KCNQ1: variants seen among roughly 807,000 people sequenced by gnomAD.
KCNQ1 encodes the protein potassium voltage-gated channel subfamily Q member 1.
Under a neutral mutation model 72.4 loss-of-function variants are expected in KCNQ1, and 49 were observed. The ratio of observed to expected loss-of-function variants is 0.68; its 90% CI spans 0.54 to 0.86. The LOEUF (loss-of-function observed/expected upper bound fraction) is 0.86. Among genes scored for constraint, KCNQ1 ranks in the 40% least tolerant of loss-of-function variants. The probability of loss-of-function intolerance (pLI) is 0.00; values close to 1 mark genes in which losing one functional copy is unlikely to be tolerated. For synonymous variants in KCNQ1, 450 were observed against 412.6 expected (o/e 1.09, Z -1.10); for missense variants, 790 against 945.1 (o/e 0.84, Z 2.15).
rs1179248103 is a variant in KCNQ1, at chr11:2,592,844, T to C, written c.1393+3990T>C. 2.0e-5 allele frequency among the ~76,000 whole-genome samples: 3 copies of C among 152,170 alleles called. No homozygotes were observed. Among genetic ancestry groups the C allele is most frequent in the South Asian group, 4.1e-4 (2 of 4,834 alleles). ...CAGAGGGTCCAAGCGGGCATGGCCA[T>C]CCACATCTGCAGGTCAGAAGAGGCC... On this transcript the variant is annotated intron_variant, in intron 10 of 15. Transcript: ENST00000155840. The surrounding 1 kb of genome is among the most constrained non-coding windows in gnomAD (Gnocchi z 5.2).
At chr11:2,453,408 A>G (rs1317762590) in intron 1 of KCNQ1, among the ~76,000 whole-genome samples, 3 of 151,818 alleles carry the variant, frequency 2.0e-5, no homozygotes, top group East Asian at 3.9e-4. Flanking sequence ...GAAACAGCCA[A>G]TTGCCAGGCT....
intron 11 of KCNQ1, chr11:2,699,791 G>A (rs943764254): frequency 1.0e-5 from 4 of 397,070 alleles, no homozygotes; most frequent in East Asian, 3.6e-5. Context: ...GAACCGCGCC[G>A]AGGGGCGCGC....
At chr11:2,684,955 A>G in intron 11 of KCNQ1, 1 of 398,674 alleles carries the variant, frequency 2.5e-6, no homozygotes, top group Non-Finnish European at 4.4e-6. Flanking sequence ...TGTACCTGGT[A>G]AGGAGTGAAA....
Position 2,572,040 on chromosome 11 carries a change from G to A in KCNQ1, c.711G>A (p.Arg237=). 1.2e-6 allele frequency: 2 copies of A among 1,612,894 alleles called. No homozygotes were observed. Among genetic ancestry groups the A allele is most frequent in the Non-Finnish European group, 8.5e-7 (1 of 1,179,890 alleles). The stretch of plus-strand genomic sequence containing the variant: ...GCATCCGCTTCCTGCAGATCCTGAG[G>A]ATGCTACACGTCGACCGCCAGGGAG... The part of the protein sequence containing the change: ...IRGIRFLQIL[R]MLHVDRQGGT... The change falls in exon 5 of 16, where the codon AGG becomes AGA. Residue 237 remains arginine, a synonymous_variant. Transcript: ENST00000155840.
In KCNQ1 at chr11:2,723,343, G is replaced by A. The variant is rs943116493; in HGVS notation, c.1515-45501G>A. 6.6e-6 allele frequency among the ~76,000 whole-genome samples: 1 copy of A among 152,188 alleles called. No individual in the cohort carries two copies. The highest frequency in any genetic ancestry group is 2.4e-5 in the African/African-American group (1 of 41,444). ...TCCCCCGGGACACTGCAACCCTCAA[G>A]ACTCCTAGCAAGCCCCTCCGTCTCA... On this transcript the variant is annotated intron_variant, in intron 11 of 15. Coordinates refer to ENST00000155840, the MANE Select transcript of KCNQ1 (RefSeq NM_000218.3). This position sits in a 1 kb window ranked among gnomAD's most constrained non-coding sequence, Gnocchi z 4.2.
rs546847693 is a variant in KCNQ1 at position 2,774,645 on chromosome 11, C to A, written c.1591-1315C>A. 4.6e-5 allele frequency among the ~76,000 whole-genome samples: 7 copies of A among 152,302 alleles called. No homozygotes were observed. In the South Asian group the frequency reaches 1.4e-3, roughly 32 times the overall value. On this transcript the variant is annotated intron_variant, in intron 12 of 15. Transcript: ENST00000155840. ...TCCACCAAGCCTCCGGCATTGGTGGCAGAACCCCTGGGCATGTCAGAAGTG... is the reference window on the plus strand; with the variant it reads ...TCCACCAAGCCTCCGGCATTGGTGGAAGAACCCCTGGGCATGTCAGAAGTG...
In KCNQ1 at chr11:2,653,952, C is replaced by T. The variant is rs1308713336; in HGVS notation, c.1394-8009C>T. On this transcript the variant is annotated intron_variant, in intron 10 of 15. Coordinates refer to ENST00000155840, the MANE Select transcript of KCNQ1 (RefSeq NM_000218.3). The surrounding 1 kb of genome is among the most constrained non-coding windows in gnomAD (Gnocchi z 5.3). ...CCTGGCTGCTGGCAGGCAAAAACAA[C>T]AGGTGTCCACTCAAGCAAGGTATTT... 2.5e-6 allele frequency: 1 copy of T among 398,582 alleles called. No homozygotes were observed. The highest frequency in any genetic ancestry group is 4.4e-5 in the Admixed American group (1 of 22,726). The allele number at this position is 398,582 out of a possible 1,614,324, so 24.7% of individuals were successfully genotyped here.
At position 2,724,920 on chromosome 11, in the gene KCNQ1, T is replaced by A. The variant is rs1275766429; in HGVS notation, c.1515-43924T>A. ...TCTGTCACAGGGTAGAGATGACTGA[T>A]CCAGTAACCTGGACAGGGTGCCGAG... is the stretch of plus-strand genomic sequence containing the variant. On this transcript the variant is annotated intron_variant, in intron 11 of 15. Transcript: ENST00000155840. This position sits in a 1 kb window ranked among gnomAD's most constrained non-coding sequence, Gnocchi z 6.8. Among the ~76,000 whole-genome samples the A allele has an allele frequency of 2.0e-5, 3 of 152,138 alleles. No homozygotes were observed. Among genetic ancestry groups the A allele is most frequent in the South Asian group, 2.1e-4 (1 of 4,828 alleles).
chr11:2,726,674 C>T (rs563287198), intron 11 of KCNQ1, among the ~76,000 whole-genome samples: 6 of 152,296 alleles, frequency 3.9e-5, no homozygotes, highest in African/African-American at 1.4e-4. Flanking sequence ...TTTATATTTT[C>T]CCCCAAAATT....
chr11:2,574,710 T>G (rs936188296), intron 6 of KCNQ1, among the ~76,000 whole-genome samples: 1 of 152,094 alleles, frequency 6.6e-6, no homozygotes, highest in African/African-American at 2.4e-5. Context: ...GGCCAGACAC[T>G]CAGCAGTGGC....
intron 1 of KCNQ1, among the ~76,000 whole-genome samples, chr11:2,460,074 C>T (rs1007718933): frequency 2.6e-5 from 4 of 152,218 alleles, no homozygotes; most frequent in Admixed American, 6.5e-5. Flanking sequence ...GGTGTCCTGA[C>T]TGCCACCCCC....
intron 1 of KCNQ1, among the ~76,000 whole-genome samples, chr11:2,449,389 G>A (rs573609320): frequency 2.6e-5 from 4 of 152,350 alleles, no homozygotes; most frequent in South Asian, 2.1e-4. Context: ...TCACAGGGCC[G>A]GGTCTGAGGG....
chr11:2,722,566 G>T (rs918205810), intron 11 of KCNQ1, among the ~76,000 whole-genome samples: 12 of 152,192 alleles, frequency 7.9e-5, no homozygotes. Context: ...TCCCACTGAA[G>T]CTGAGAATAG....
chr11:2,536,632 C>T lies in KCNQ1; in HGVS notation c.477+8614C>T, dbSNP rs1847736198. Among the ~76,000 whole-genome samples the T allele has an allele frequency of 6.6e-6, 1 of 152,326 alleles. No individual in the cohort carries two copies. Among genetic ancestry groups the T allele is most frequent in the East Asian group, 1.9e-4 (1 of 5,166 alleles). On this transcript the variant is annotated intron_variant, in intron 2 of 15. Transcript: ENST00000155840. This position sits in a 1 kb window ranked among gnomAD's most constrained non-coding sequence, Gnocchi z 7.4. ...AACCCAACAGAGCTGGTTTGGGCCA[C>T]AGCAGTGGCTTCCCAGGCTGGGCTT...
Position 2,484,537 on chromosome 11 carries a change from C to A in KCNQ1, c.386+39053C>A, listed in dbSNP as rs2133617023. 6.6e-6 allele frequency among the ~76,000 whole-genome samples: 1 copy of A among 152,318 alleles called. No individual in the cohort carries two copies. The highest frequency in any genetic ancestry group is 1.9e-4 in the East Asian group (1 of 5,184). On this transcript the variant is annotated intron_variant, in intron 1 of 15. Coordinates refer to ENST00000155840, the MANE Select transcript of KCNQ1 (RefSeq NM_000218.3). This position sits in a 1 kb window ranked among gnomAD's most constrained non-coding sequence, Gnocchi z 5.2. ...AACAACCTTCCATTCAGCTTCCATG[C>A]CCCTTTGGTGGGCCCTGTCTTTTCT...
chr11:2,449,153 G>A (rs570447611), intron 1 of KCNQ1, among the ~76,000 whole-genome samples: 11 of 152,352 alleles, frequency 7.2e-5, no homozygotes, highest in Admixed American at 2.0e-4. Flanking sequence ...CTGAGTCTGC[G>A]TCTCATTCTC....
In KCNQ1 at chr11:2,661,745, C is replaced by T; in HGVS notation, c.1394-216C>T. 1.6e-6 allele frequency: 1 copy of T among 628,772 alleles called. No individual in the cohort carries two copies. The highest frequency in any genetic ancestry group is 1.8e-5 in the South Asian group (1 of 54,466). 38.9% of individuals were successfully genotyped at this position (628,772 alleles called of 1,614,324 possible). A position where few individuals can be genotyped will look rare whatever the true frequency, so the allele number is the denominator to read the frequency against. ...ACCACTCCGAAGATGATTCACTGGC[C>T]TTTATTCTCCTCAGACACTGAGGTG... is the stretch of plus-strand genomic sequence containing the variant. On this transcript the variant is annotated intron_variant, in intron 10 of 15. Transcript: ENST00000155840. The surrounding 1 kb of genome is among the most constrained non-coding windows in gnomAD (Gnocchi z 5.9).
rs536376278 is a variant in KCNQ1 at position 2,762,033 on chromosome 11, A to G, written c.1515-6811A>G. ...TGGCGGTCATGGCCACAGGCTCCCA[A>G]GGCCCTAAGTGACAGCCAGTGGTAG... On this transcript the variant is annotated intron_variant, in intron 11 of 15. Transcript: ENST00000155840. This position sits in a 1 kb window ranked among gnomAD's most constrained non-coding sequence, Gnocchi z 4.3. 9.1e-4 allele frequency among the ~76,000 whole-genome samples: 139 copies of G among 152,352 alleles called. No homozygotes were observed. The highest frequency in any genetic ancestry group is 3.2e-3 in the African/African-American group (133 of 41,588).
intron 15 of KCNQ1, among the ~76,000 whole-genome samples, chr11:2,805,578 G>A (rs553216711): frequency 4.6e-5 from 7 of 152,288 alleles, no homozygotes; most frequent in South Asian, 2.1e-4. Flanking sequence ...TGGACACATC[G>A]TCCCTGGCTA....
Sources: gnomAD v4.1 joint callset for allele counts (sites outside exome capture counted in the v4.1 genomes callset) on GRCh38, gnomAD v4.1.1 for gene constraint, Gnocchi (gnomAD v3.1) non-coding constraint, MANE v1.5 for transcripts, NCBI Gene and HGNC (gene_info 2026-07-23, HGNC 2026-07-21) for gene names.